The following MALRD1 variants were observed in gnomAD, a reference collection of about 807,000 sequenced individuals.
MALRD1 encodes MAM and LDL-receptor class A domain-containing protein 1.
A neutral mutation model predicts 242.1 loss-of-function variants in MALRD1; 247 were observed. That is an observed-to-expected ratio of 1.02 (90% CI 0.92 to 1.13). The LOEUF (loss-of-function observed/expected upper bound fraction) is 1.13. Among genes scored for constraint, MALRD1 ranks in the 50% most tolerant of loss-of-function variants. MALRD1 has a pLI of 0.00. For missense variants in MALRD1, 2,989 were observed against 2,533.1 expected, an observed-to-expected ratio of 1.18 and a Z score of -3.86; for synonymous variants, 995 against 866.6, an observed-to-expected ratio of 1.15 and a Z score of -2.60.
At chr10:19,361,939 T>A (rs1844913057) in intron 26 of MALRD1, among the ~76,000 whole-genome samples, 1 of 152,104 alleles carries the variant, frequency 6.6e-6, no homozygotes, top group East Asian at 1.9e-4. Context: ...TTCTAAAGAT[T>A]CAAATTTTTT....
At chr10:19,160,695 G>C (rs548185710) in intron 12 of MALRD1, among the ~76,000 whole-genome samples, 1 of 56,048 alleles carries the variant, frequency 1.8e-5, no homozygotes, top group Non-Finnish European at 3.5e-5. Context: ...TCTTGGGAGA[G>C]TGTATGTGTC....
chr10:19,108,335 A>G (rs1836544589), intron 5 of MALRD1, among the ~76,000 whole-genome samples: 1 of 149,570 alleles, frequency 6.7e-6, no homozygotes, highest in East Asian at 2.0e-4. Context: ...TTTCTGTCTT[A>G]TAAATGATAT....
At position 19,585,449 on chromosome 10, in the gene MALRD1, T is replaced by C. The variant is rs540660523; in HGVS notation, c.5681-9745T>C. Reference sequence around the variant, plus strand: ...GTGACAAAATCTCTCAACATTTGCTTGTCTGTAAAGTATTTTATTTCTCCT... The same window carrying C: ...GTGACAAAATCTCTCAACATTTGCTCGTCTGTAAAGTATTTTATTTCTCCT... On this transcript the variant is annotated intron_variant, in intron 33 of 39. Coordinates refer to ENST00000454679, the MANE Select transcript of MALRD1 (RefSeq NM_001142308.3). 1.1e-3 allele frequency among the ~76,000 whole-genome samples: 168 copies of C among 152,232 alleles called. No individual in the cohort carries two copies. The Middle Eastern group carries it at 0.017, about 15-fold the overall frequency.
intron 18 of MALRD1, among the ~76,000 whole-genome samples, chr10:19,233,345 T>C (rs977077342): frequency 2.6e-5 from 4 of 151,942 alleles, no homozygotes; most frequent in African/African-American, 7.3e-5. Flanking sequence ...CTACTAAAAA[T>C]ACAAAAATTA....
chr10:19,341,478 A>AATGTGTGTG (rs1843856981), intron 24 of MALRD1, among the ~76,000 whole-genome samples: 1 of 87,514 alleles, frequency 1.1e-5, no homozygotes, highest in Non-Finnish European at 2.6e-5. Context: ...ATATGTATAT[A>AATGTGTGTG]TATGTGTATA....
intron 33 of MALRD1, among the ~76,000 whole-genome samples, chr10:19,574,838 G>A (rs1334962489): frequency 6.6e-6 from 1 of 152,148 alleles, no homozygotes; most frequent in Non-Finnish European, 1.5e-5. Context: ...AATGAGGAGG[G>A]AGTTAAAGGA....
chr10:19,478,584 CT>C (rs1389116452), intron 29 of MALRD1, among the ~76,000 whole-genome samples: 3 of 151,848 alleles, frequency 2.0e-5, no homozygotes. Flanking sequence ...AGTCTAATTT[CT>C]TTTCTTTCCT....
At chr10:19,144,501 G>C (rs1382893931) in intron 10 of MALRD1, among the ~76,000 whole-genome samples, 1 of 152,222 alleles carries the variant, frequency 6.6e-6, no homozygotes, top group African/African-American at 2.4e-5. Context: ...GATAAAATAT[G>C]TGGTCATAAA....
intron 18 of MALRD1, among the ~76,000 whole-genome samples, chr10:19,215,057 T>G (rs577037060): frequency 6.6e-6 from 1 of 152,300 alleles, no homozygotes; most frequent in Non-Finnish European, 1.5e-5. Flanking sequence ...TGCTCTTGAG[T>G]GATCCCCTTT....
At chr10:19,439,320 C>T (rs970261678) in intron 28 of MALRD1, among the ~76,000 whole-genome samples, 2 of 152,044 alleles carry the variant, frequency 1.3e-5, no homozygotes, top group African/African-American at 4.8e-5. Context: ...AGCTTGAGCC[C>T]ATTAGTTTAA....
intron 2 of MALRD1, among the ~76,000 whole-genome samples, chr10:19,075,654 C>A (rs1835295249): frequency 6.6e-6 from 1 of 152,048 alleles, no homozygotes; most frequent in Non-Finnish European, 1.5e-5. Context: ...CTTCAATGAG[C>A]TTGAAAGCCT....
intron 36 of MALRD1, among the ~76,000 whole-genome samples, chr10:19,687,962 TGTTATGTTATGTTATGTTA>T (rs1589402068): frequency 1.4e-5 from 2 of 147,180 alleles, no homozygotes; most frequent in Non-Finnish European, 3.1e-5. Flanking sequence ...TGTTATGTTA[TGTTATGTTATGTTATGTTA>T]TTTTTGGAGA....
chr10:19,494,678 C>T (rs1001409970), intron 30 of MALRD1, among the ~76,000 whole-genome samples: 1 of 151,890 alleles, frequency 6.6e-6, no homozygotes, highest in African/African-American at 2.4e-5. Flanking sequence ...AGGAAAGAAT[C>T]AAGAGCTTGA....
intron 34 of MALRD1, among the ~76,000 whole-genome samples, chr10:19,607,089 A>G (rs1838675628): frequency 6.6e-6 from 1 of 152,148 alleles, no homozygotes; most frequent in Non-Finnish European, 1.5e-5. Flanking sequence ...TTTCGAAACA[A>G]CCAAAGTCTT....
intron 32 of MALRD1, among the ~76,000 whole-genome samples, chr10:19,554,426 A>T (rs1246320910): frequency 1.3e-5 from 2 of 152,108 alleles, no homozygotes; most frequent in African/African-American, 4.8e-5. Flanking sequence ...CATGCGCAGG[A>T]TGTGCAGCTT....
chr10:19,529,596 A>C (rs919807739), intron 31 of MALRD1, among the ~76,000 whole-genome samples: 18 of 152,118 alleles, frequency 1.2e-4, no homozygotes, highest in Non-Finnish European at 2.4e-4. Flanking sequence ...TGAATACAAA[A>C]TGAAGACAAA....
intron 35 of MALRD1, among the ~76,000 whole-genome samples, chr10:19,615,094 G>A (rs549594573): frequency 1.4e-4 from 21 of 152,156 alleles, no homozygotes; most frequent in South Asian, 2.1e-4. Flanking sequence ...GATATTGAAT[G>A]TTCTCAACAC....
intron 29 of MALRD1, among the ~76,000 whole-genome samples, chr10:19,455,474 T>C (rs761137466): frequency 6.6e-6 from 1 of 152,348 alleles, no homozygotes; most frequent in Admixed American, 6.5e-5. Context: ...TGCTATCTGC[T>C]GTATGATTTT....
chr10:19,358,726 A>T lies in MALRD1; in HGVS notation c.4441+6429A>T, dbSNP rs557662097. ...TAGCACTTTTGGAACAATGTATGGA[A>T]TACAGTCGGTGTTGTGTGTTACTTT... is the stretch of plus-strand genomic sequence containing the variant. On this transcript the variant is annotated intron_variant, in intron 26 of 39. Transcript: ENST00000454679. 2.7e-3 allele frequency among the ~76,000 whole-genome samples: 404 copies of T among 152,320 alleles called. 1 individual carries two copies. The highest frequency in any genetic ancestry group is 8.9e-3 in the African/African-American group (372 of 41,584).
Sources: allele counts gnomAD v4.1 joint callset (sites outside exome capture counted in the v4.1 genomes callset), GRCh38; gene constraint gnomAD v4.1.1; transcripts MANE v1.5; gene names NCBI Gene and HGNC (gene_info 2026-07-23, HGNC 2026-07-21).